LRBA: variants seen among roughly 807,000 people sequenced by gnomAD.
LRBA encodes LPS responsive beige-like anchor protein.
A neutral mutation model predicts 330.0 loss-of-function variants in LRBA; 176 were observed. The observed-to-expected ratio is 0.53, with a 90% CI of 0.47 to 0.60. The LOEUF is 0.60. Ranked by LOEUF, LRBA falls within the 20% of genes least tolerant of loss-of-function variation. LRBA has a pLI of 0.00. For missense variants in LRBA, 3,259 were observed against 3,444.8 expected, an observed-to-expected ratio of 0.95 and a Z score of 1.35; for synonymous variants, 1,230 against 1,193.0, an observed-to-expected ratio of 1.03 and a Z score of -0.64.
At position 150,849,424 on chromosome 4, in the gene LRBA, T is replaced by C; in HGVS notation, c.4156A>G (p.Thr1386Ala). 1 of 1,613,772 alleles carries C rather than the reference T, an allele frequency of 6.2e-7. No homozygotes were observed. The highest frequency in any genetic ancestry group is 1.1e-5 in the South Asian group (1 of 90,936). The change falls in exon 25 of 57, where the codon ACA (threonine) becomes GCA (alanine). Residue 1386 changes from threonine (T) to alanine (A), a missense_variant and splice_region_variant. Physicochemically the swap from Thr to Ala is moderately conservative, Grantham distance 58 (BLOSUM62 0). Transcript: ENST00000651943. The stretch of plus-strand genomic sequence containing the variant: ...TTCTATAGTAATTAAGTCCTTACTG[T>C]AGCCGATGTAGCAGCTGAAAGCAAT... Reference protein sequence around the residue: ...LPLLSAATSATHELENIEPTQ... With the variant: ...LPLLSAATSAAHELENIEPTQ...
Position 150,867,772 on chromosome 4 carries a change from T to C in LRBA, c.2665A>G (p.Met889Val). 3.1e-6 allele frequency: 5 copies of C among 1,613,874 alleles called. No homozygotes were observed. The highest frequency in any genetic ancestry group is 4.2e-6 in the Non-Finnish European group (5 of 1,179,812). Reference sequence around the variant, plus strand: ...AGGATTCTGAATATGGCGTATACCATTTCTGTTATCTTTTGCTCATCTGAA... The same window carrying C: ...AGGATTCTGAATATGGCGTATACCACTTCTGTTATCTTTTGCTCATCTGAA... ...KNSDEQKITE[M>V]VYAIFRILLY... is the part of the protein sequence containing the mutation. The change falls in exon 22 of 57, where the codon ATG becomes GTG. Residue 889 changes from methionine (M) to valine (V), a missense_variant. Transcript: ENST00000651943.
chr4:150,734,441 T>C (rs1730922520), intron 36 of LRBA, among the ~76,000 whole-genome samples: 1 of 152,246 alleles, frequency 6.6e-6, no homozygotes, highest in East Asian at 1.9e-4. Flanking sequence ...ATTTTCAGAT[T>C]TGCTGGTTGT....
chr4:150,554,553 T>G (rs1281727828), intron 40 of LRBA, among the ~76,000 whole-genome samples: 1 of 152,128 alleles, frequency 6.6e-6, no homozygotes, highest in Non-Finnish European at 1.5e-5. Flanking sequence ...CTAAAATGTT[T>G]TTAGTAAAAG....
chr4:150,924,389 T>C (rs988107905), intron 4 of LRBA, among the ~76,000 whole-genome samples: 1 of 152,024 alleles, frequency 6.6e-6, no homozygotes, highest in Non-Finnish European at 1.5e-5. Flanking sequence ...GGCAAGTGCC[T>C]GTGGTCCCAG....
intron 40 of LRBA, among the ~76,000 whole-genome samples, chr4:150,492,918 A>G (rs987698705): frequency 6.6e-6 from 1 of 152,162 alleles, no homozygotes; most frequent in African/African-American, 2.4e-5. Flanking sequence ...CTCCATTAAC[A>G]ACTCATCCCA....
At chr4:150,608,004 C>CAG (rs1774840840) in intron 37 of LRBA, among the ~76,000 whole-genome samples, 1 of 152,136 alleles carries the variant, frequency 6.6e-6, no homozygotes, top group Non-Finnish European at 1.5e-5. Flanking sequence ...CACTGCACTC[C>CAG]AGCCTGGGTG....
Position 150,928,956 on chromosome 4 carries a change from T to A in LRBA, c.326A>T (p.Glu109Val), listed in dbSNP as rs1318863995. The A allele has an allele frequency of 1.9e-6, 3 of 1,613,898 alleles. No individual in the cohort carries two copies. Among genetic ancestry groups the A allele is most frequent in the Non-Finnish European group, 1.7e-6 (2 of 1,179,966 alleles). ...AATGGCTGTAAACATGCTCCAGACT[T>A]CTGCTTGGCACGTAATGTCACATTT... ...LEKCDITCQA[E>V]VWSMFTAILK... The change falls in exon 3 of 57, where the codon GAA becomes GTA. Residue 109 changes from glutamate to valine, a missense_variant. Transcript: ENST00000651943.
intron 25 of LRBA, 24 bp from the exon 26 acceptor site, chr4:150,849,022 T>A (rs764472886): frequency 8.9e-6 from 13 of 1,467,854 alleles, no homozygotes; most frequent in Admixed American, 4.5e-5. Context: ...AGTTTGACAT[T>A]TATATATATA....
chr4:150,271,894 G>C (rs1297389297), intron 56 of LRBA, among the ~76,000 whole-genome samples: 1 of 152,132 alleles, frequency 6.6e-6, no homozygotes, highest in Non-Finnish European at 1.5e-5. Flanking sequence ...CATCTCCCTG[G>C]GACAGAGCAC....
intron 45 of LRBA, among the ~76,000 whole-genome samples, chr4:150,435,948 C>G (rs1751054648): frequency 6.6e-6 from 1 of 152,066 alleles, no homozygotes; most frequent in Admixed American, 6.5e-5. Flanking sequence ...CTTCAGGTAG[C>G]CTTCCTTTCC....
intron 2 of LRBA, among the ~76,000 whole-genome samples, chr4:150,963,321 G>C (rs1272759385): frequency 6.7e-6 from 1 of 149,290 alleles, no homozygotes; most frequent in South Asian, 2.1e-4. Context: ...GAGTGCCTGG[G>C]ATTGCAGGCA....
chr4:150,718,141 T>C lies in LRBA; in HGVS notation c.5754+17117A>G, dbSNP rs180708709. Among the ~76,000 whole-genome samples the C allele has an allele frequency of 1.5e-3, 231 of 152,304 alleles. 1 individual carries two copies. Among genetic ancestry groups the C allele is most frequent in the African/African-American group, 5.2e-3 (217 of 41,578 alleles). On this transcript the variant is annotated intron_variant, in intron 36 of 56. Transcript: ENST00000651943. Reference sequence around the variant, plus strand: ...AAGATTAAGAAACAAAGTTAAGATGTACAGCTCATCAATGATGTCATGACA... The same window carrying C: ...AAGATTAAGAAACAAAGTTAAGATGCACAGCTCATCAATGATGTCATGACA...
intron 40 of LRBA, among the ~76,000 whole-genome samples, chr4:150,512,884 GCT>G (rs1761979025): frequency 6.6e-6 from 1 of 152,152 alleles, no homozygotes; most frequent in Non-Finnish European, 1.5e-5. Flanking sequence ...ATTCAATTCT[GCT>G]TTAGAAGACA....
intron 37 of LRBA, among the ~76,000 whole-genome samples, chr4:150,668,382 T>A (rs964591142): frequency 6.6e-6 from 1 of 152,224 alleles, no homozygotes; most frequent in Non-Finnish European, 1.5e-5. Context: ...CTGAGAATGA[T>A]GTGGTGTTAC....
At chr4:150,572,748 C>T (rs927216603) in intron 40 of LRBA, among the ~76,000 whole-genome samples, 3 of 152,046 alleles carry the variant, frequency 2.0e-5, no homozygotes, top group East Asian at 1.9e-4. Context: ...ATTTATTGAC[C>T]GCCTCTGGAT....
intron 52 of LRBA, among the ~76,000 whole-genome samples, chr4:150,309,145 G>GT (rs1204565969): frequency 7.2e-5 from 11 of 152,012 alleles, no homozygotes; most frequent in Middle Eastern, 3.2e-3. Flanking sequence ...CAATGGAATG[G>GT]TTTTTATCTC....
chr4:150,697,328 A>AAAAAAAAAC lies in LRBA; in HGVS notation c.5755-13612_5755-13611insGTTTTTTTT, dbSNP rs1554081728. Among the ~76,000 whole-genome samples the AAAAAAAAAC allele has an allele frequency of 2.3e-3, 300 of 132,420 alleles. 55 individuals are homozygous for AAAAAAAAAC. The highest frequency in any genetic ancestry group is 3.4e-3 in the Non-Finnish European group (221 of 64,406). 86.9% of individuals were successfully genotyped at this position (132,420 alleles called of 152,430 possible). On this transcript the variant is annotated intron_variant, in intron 36 of 56. Transcript: ENST00000651943. Reference sequence around the variant, plus strand: ...GACAGAGTGAGACTTTGTCTCAGAAAAAAAAAAAAAAAAAAAAAAAAAACA... The same window carrying AAAAAAAAAC: ...GACAGAGTGAGACTTTGTCTCAGAAAAAAAAAAACAAAAAAAAAAAAAAAAAAAAAAACA...
chr4:150,651,332 C>G (rs1018860184), intron 37 of LRBA, among the ~76,000 whole-genome samples: 1 of 152,152 alleles, frequency 6.6e-6, no homozygotes, highest in Admixed American at 6.6e-5. Flanking sequence ...TGCACGGTGA[C>G]ACGGCTATCC....
intron 47 of LRBA, among the ~76,000 whole-genome samples, chr4:150,414,954 T>C (rs941168327): frequency 1.3e-5 from 2 of 152,242 alleles, no homozygotes; most frequent in Non-Finnish European, 2.9e-5. Flanking sequence ...AAAGAGTTGT[T>C]TGTAAGCACA....
Sources: gnomAD v4.1 joint callset for allele counts (sites outside exome capture counted in the v4.1 genomes callset) on GRCh38, gnomAD v4.1.1 for gene constraint, MANE v1.5 for transcripts, NCBI Gene and HGNC (gene_info 2026-07-23, HGNC 2026-07-21) for gene names.